ARFGAP1: variants seen among roughly 807,000 people sequenced by gnomAD.
The protein encoded by ARFGAP1 is ADP-ribosylation factor GTPase-activating protein 1.
ARFGAP1 carries 26 observed loss-of-function variants against 54.0 expected under a neutral mutation model. The observed-to-expected ratio is 0.48, with a 90% CI of 0.35 to 0.67. The LOEUF is 0.67. Ranked by LOEUF, ARFGAP1 falls within the 30% of genes least tolerant of loss-of-function variation. The pLI, the probability that ARFGAP1 is intolerant of heterozygous loss-of-function variation, is 0.00. For missense variants in ARFGAP1, 525 were observed against 535.8 expected (o/e 0.98, Z 0.20); for synonymous variants, 248 against 211.9 (o/e 1.17, Z -1.48).
At chr20:63,279,186 A>G in intron 7 of ARFGAP1, 191 bp downstream of exon 7, 1 of 656,382 alleles carries the variant, frequency 1.5e-6, no homozygotes, top group Non-Finnish European at 2.7e-6. Context: ...TCCCAAATGT[A>G]TTCAATCACT....
In ARFGAP1 at chr20:63,287,835, G is replaced by A. The variant is rs1199118666; in HGVS notation, c.1183G>A (p.Val395Met). The A allele has an allele frequency of 1.5e-5, 24 of 1,571,524 alleles. No individual in the cohort carries two copies. Among genetic ancestry groups the A allele is most frequent in the Non-Finnish European group, 1.7e-5 (20 of 1,158,864 alleles). ...EGTKKAVPPA[V>M]PTDDGWDNQN... The stretch of plus-strand genomic sequence containing the variant: ...CACCAAGAAGGCAGTGCCGCCGGCC[G>A]TGCCCACTGATGATGGCTGGGACAA... The change falls in exon 13 of 13, where the codon GTG becomes ATG. Residue 395 changes from valine to methionine, a missense_variant. Val to Met is a conservative substitution (Grantham distance 21, BLOSUM62 1). This residue lies in a region of ARFGAP1 where 466 missense variants were observed against 453.6 expected (regional missense o/e 1.03). Coordinates refer to ENST00000370283, the MANE Select transcript of ARFGAP1 (RefSeq NM_018209.4).
rs6011720 is a variant in ARFGAP1 at position 63,289,779 on chromosome 20, C to G, written c.*1906C>G. 6.6e-6 allele frequency: 1 copy of G among 152,292 alleles called. No homozygotes were observed. The highest frequency in any genetic ancestry group is 2.4e-5 in the African/African-American group (1 of 41,444). The allele number at this position is 152,292 out of a possible 1,614,324, so 9.4% of individuals were successfully genotyped here. On this transcript the variant is annotated 3_prime_UTR_variant, in exon 13 of 13. Transcript: ENST00000370283. ...CCTGACAGCATTCCAATAAAGCATACGGGAACATGCAGAATGTCTGGATGC... is the reference window on the plus strand; with the variant it reads ...CCTGACAGCATTCCAATAAAGCATAGGGGAACATGCAGAATGTCTGGATGC...
At position 63,276,925 on chromosome 20, in the gene ARFGAP1, C is replaced by T. The variant is rs1338864912; in HGVS notation, c.342+274C>T. Among the ~76,000 whole-genome samples the T allele has an allele frequency of 3.9e-5, 6 of 152,210 alleles. No individual in the cohort carries two copies. The South Asian group carries it at 1.0e-3, about 26-fold the overall frequency. ...CTGTGACATGTTGGGCACAGTGTTT[C>T]TAAGAAGTCTGGAGGCCAAATAGGT... is the stretch of plus-strand genomic sequence containing the variant. On this transcript the variant is annotated intron_variant, in intron 4 of 12. Coordinates refer to ENST00000370283, the MANE Select transcript of ARFGAP1 (RefSeq NM_018209.4). This position sits in a 1 kb window ranked among gnomAD's most constrained non-coding sequence, Gnocchi z 5.2.
intron 5 of ARFGAP1, among the ~76,000 whole-genome samples, chr20:63,277,609 G>T (rs2067267723): frequency 6.6e-6 from 1 of 152,196 alleles, no homozygotes; most frequent in African/African-American, 2.4e-5. Flanking sequence ...GGTGTTGTCT[G>T]CCCTTCCCCA....
intron 9 of ARFGAP1, chr20:63,283,908 C>A (rs200180844): frequency 5.0e-6 from 8 of 1,612,396 alleles, no homozygotes; most frequent in Admixed American, 3.3e-5. Context: ...TCGTGCATGC[C>A]GCCCGCATCT....
intron 9 of ARFGAP1, chr20:63,284,425 A>G (rs2067468798): frequency 9.3e-7 from 1 of 1,077,840 alleles, no homozygotes; most frequent in African/African-American, 1.6e-5. Flanking sequence ...CTTTCTCAGC[A>G]GCTTCTTCCT....
In ARFGAP1 at chr20:63,281,735, C is replaced by CT. The variant is rs2067386072; in HGVS notation, c.684+391dup. On this transcript the variant is annotated intron_variant, in intron 8 of 12. Coordinates refer to ENST00000370283, the MANE Select transcript of ARFGAP1 (RefSeq NM_018209.4). The stretch of plus-strand genomic sequence containing the variant: ...GTCGTGTTTTGAGAGCGATTTCTCT[C>CT]TTTCGCCTGCTCCTCAGCCTGAAAT... Among the ~76,000 whole-genome samples the CT allele has an allele frequency of 3.3e-5, 5 of 152,222 alleles. No homozygotes were observed. In the South Asian group the frequency reaches 1.0e-3, roughly 31 times the overall value.
intron 9 of ARFGAP1, chr20:63,284,391 C>T (rs2067467784): frequency 1.9e-6 from 2 of 1,073,034 alleles, no homozygotes; most frequent in Non-Finnish European, 2.3e-6. Context: ...CTCCACTGAC[C>T]CAGGATCAGG....
Position 63,288,455 on chromosome 20 carries a change from C to T in ARFGAP1, c.*582C>T. 2.2e-6 allele frequency: 1 copy of T among 456,102 alleles called. No homozygotes were observed. The highest frequency in any genetic ancestry group is 1.5e-5 in the South Asian group (1 of 64,564). 28.3% of individuals were successfully genotyped at this position (456,102 alleles called of 1,614,324 possible). On this transcript the variant is annotated 3_prime_UTR_variant, in exon 13 of 13. Coordinates refer to ENST00000370283, the MANE Select transcript of ARFGAP1 (RefSeq NM_018209.4). ...GCTGTCAGACCCGCGTCGGTCGTAA[C>T]CCTCTGTGGCTCCCCTGCATCAGCA... is the stretch of plus-strand genomic sequence containing the variant.
At chr20:63,284,602 G>T in intron 9 of ARFGAP1, 1 of 1,332,804 alleles carries the variant, frequency 7.5e-7, no homozygotes. Context: ...AGGGCCGCAT[G>T]GTGGCGCGTG....
rs918455583 is a variant in ARFGAP1, at chr20:63,289,554, C to T, written c.*1681C>T. 1.3e-5 allele frequency: 2 copies of T among 152,276 alleles called. No individual in the cohort carries two copies. Among genetic ancestry groups the T allele is most frequent in the Middle Eastern group, 3.2e-3 (1 of 316 alleles). The allele number at this position is 152,276 out of a possible 1,614,324, so 9.4% of individuals were successfully genotyped here. On this transcript the variant is annotated 3_prime_UTR_variant, in exon 13 of 13. Coordinates refer to ENST00000370283, the MANE Select transcript of ARFGAP1 (RefSeq NM_018209.4). ...GGGGTAGGGGGACGGCCCACTCTGC[C>T]CCAGGGAGTCCCTTTTGATGGGAAG...
chr20:63,279,067 G>A, intron 7 of ARFGAP1, 72 bp downstream of exon 7: 1 of 1,417,348 alleles, frequency 7.1e-7, no homozygotes, highest in Non-Finnish European at 9.9e-7. Context: ...GCCATAGTGG[G>A]CAGTGTGGCA....
In ARFGAP1 at chr20:63,284,063, C is replaced by T. The variant is rs552015733; in HGVS notation, c.718-803C>T. ...GATCCAGGATCTGCATCAGGCTTGG[C>T]TGTGTGTGCCTGTCACCCCTGCGCA... On this transcript the variant is annotated intron_variant, in intron 9 of 12. Transcript: ENST00000370283. The T allele has an allele frequency of 3.4e-3, 4,774 of 1,416,174 alleles. 15 individuals carry two copies. The highest frequency in any genetic ancestry group is 8.0e-3 in the Middle Eastern group (31 of 3,884). The allele number at this position is 1,416,174 out of a possible 1,614,324, so 87.7% of individuals were successfully genotyped here.
At chr20:63,286,141 CTG>C (rs2067533682) in intron 11 of ARFGAP1, 3 of 1,550,164 alleles carry the variant, frequency 1.9e-6, no homozygotes, top group Middle Eastern at 1.7e-4. Flanking sequence ...CTCTTGAGGT[CTG>C]TGCACGAGGC....
intron 9 of ARFGAP1, chr20:63,283,783 G>A (rs1433946362): frequency 6.3e-7 from 1 of 1,589,260 alleles, no homozygotes; most frequent in Non-Finnish European, 8.6e-7. Flanking sequence ...GTTCGAAGGC[G>A]CTGCTGGTTA....
chr20:63,286,209 G>A (rs1465227478), intron 11 of ARFGAP1, 157 bp from the exon 12 acceptor site: 11 of 1,549,308 alleles, frequency 7.1e-6, no homozygotes, highest in East Asian at 2.4e-5. Context: ...TGGCCGGGGC[G>A]TCTGTGTCTG....
intron 12 of ARFGAP1, 100 bp downstream of exon 12, chr20:63,286,542 G>A (rs2067557144): frequency 8.2e-7 from 1 of 1,223,936 alleles, no homozygotes; most frequent in African/African-American, 1.5e-5. Flanking sequence ...TGCTGGGGAG[G>A]GAAGGGGCAC....
chr20:63,280,398 C>G (rs1322015895), intron 7 of ARFGAP1, among the ~76,000 whole-genome samples: 5 of 152,224 alleles, frequency 3.3e-5, no homozygotes, highest in Non-Finnish European at 7.3e-5. Flanking sequence ...ACCTGGGCCT[C>G]TCAAGTTGCT....
intron 11 of ARFGAP1, 30 bp downstream of exon 11, chr20:63,285,743 G>C: frequency 6.2e-7 from 1 of 1,606,832 alleles, no homozygotes; most frequent in Non-Finnish European, 8.5e-7. Flanking sequence ...CGCGGGCACA[G>C]TCGAAGCCAG....
Sources: allele counts gnomAD v4.1 joint callset (sites outside exome capture counted in the v4.1 genomes callset), GRCh38; gene constraint gnomAD v4.1.1; regional missense constraint gnomAD v4.1.1; non-coding constraint Gnocchi (gnomAD v3.1); transcripts MANE v1.5; gene names NCBI Gene and HGNC (gene_info 2026-07-23, HGNC 2026-07-21).